Variants in CCDC122 observed in about 807,000 individuals in gnomAD.
The protein encoded by CCDC122 is coiled-coil domain containing 122.
Under a neutral mutation model 37.0 loss-of-function variants are expected in CCDC122, and 38 were observed. That is an observed-to-expected ratio of 1.03 (90% CI 0.79 to 1.35). CCDC122 has a LOEUF of 1.35. Ranked by LOEUF, CCDC122 falls within the 40% of genes most tolerant of loss-of-function variation. The pLI is 0.00. For missense variants in CCDC122, 305 were observed against 310.0 expected, an observed-to-expected ratio of 0.98 and a Z score of 0.12; for synonymous variants, 83 against 95.6, an observed-to-expected ratio of 0.87 and a Z score of 0.77.
chr13:43,847,945 T>C (rs1953598712), intron 6 of CCDC122, among the ~76,000 whole-genome samples: 1 of 152,158 alleles, frequency 6.6e-6, no homozygotes, highest in South Asian at 2.1e-4. Flanking sequence ...CAGCTAATTT[T>C]TGTATTTTTA....
chr13:43,879,081 C>T (rs899179586), intron 1 of CCDC122, among the ~76,000 whole-genome samples: 1 of 152,120 alleles, frequency 6.6e-6, no homozygotes, highest in Non-Finnish European at 1.5e-5. Flanking sequence ...GCGAGGCGTC[C>T]CTCAGAGACC....
chr13:43,857,289 C>T (rs2153874991), intron 6 of CCDC122, among the ~76,000 whole-genome samples: 1 of 152,074 alleles, frequency 6.6e-6, no homozygotes, highest in East Asian at 1.9e-4. Context: ...CTTGTTCTTT[C>T]TCTTGTGATG....
At chr13:43,819,324 A>T (rs1048342099), downstream of CCDC122, among the ~76,000 whole-genome samples, 1 of 152,214 alleles carries the variant, frequency 6.6e-6, no homozygotes, top group Non-Finnish European at 1.5e-5. Flanking sequence ...TCAGCAAGCA[A>T]TTCCACTTCT....
chr13:43,861,697 AT>A (rs1230806077), intron 4 of CCDC122, among the ~76,000 whole-genome samples: 1 of 152,232 alleles, frequency 6.6e-6, no homozygotes, highest in Admixed American at 6.5e-5. Flanking sequence ...AAAATACAAT[AT>A]GGCAATGAAC....
chr13:43,819,254 T>TA (rs747952739), downstream of CCDC122, among the ~76,000 whole-genome samples: 8 of 152,150 alleles, frequency 5.3e-5, no homozygotes, highest in Non-Finnish European at 1.0e-4. Context: ...AAATGGTAGG[T>TA]AAAACACCAG....
chr13:43,834,257 T>C (rs1953118242), downstream of CCDC122, among the ~76,000 whole-genome samples: 1 of 152,206 alleles, frequency 6.6e-6, no homozygotes, highest in African/African-American at 2.4e-5. Context: ...CCTAGCCATA[T>C]GTAGAAAGCT....
At chr13:43,826,373 G>C (rs1314390523) in intron 3 of CCDC122, among the ~76,000 whole-genome samples, 1 of 152,074 alleles carries the variant, frequency 6.6e-6, no homozygotes, top group Middle Eastern at 3.2e-3. Flanking sequence ...CTATCTCTTT[G>C]ATATATGGGA....
At position 43,837,250 on chromosome 13, in the gene CCDC122, G is replaced by T; in HGVS notation, c.*30C>A. On this transcript the variant is annotated 3_prime_UTR_variant, in exon 7 of 7. Coordinates refer to ENST00000444614, the MANE Select transcript of CCDC122 (RefSeq NM_144974.5). Reference sequence around the variant, plus strand: ...CTGTCCAGTAATTTTTGTTGTCATGGTCTGTGTTCCACATTGCCCTATGGC... The same window carrying T: ...CTGTCCAGTAATTTTTGTTGTCATGTTCTGTGTTCCACATTGCCCTATGGC... The T allele has an allele frequency of 1.3e-6, 2 of 1,592,064 alleles. No individual in the cohort carries two copies. The highest frequency in any genetic ancestry group is 1.8e-5 in the Admixed American group (1 of 55,666).
At chr13:43,862,963 T>C (rs1954159216) in intron 4 of CCDC122, among the ~76,000 whole-genome samples, 1 of 152,068 alleles carries the variant, frequency 6.6e-6, no homozygotes, top group African/African-American at 2.4e-5. Flanking sequence ...TCTGCCTCTT[T>C]TCCTCCCTCT....
chr13:43,832,552 T>G (rs2153868548), downstream of CCDC122, among the ~76,000 whole-genome samples: 2 of 152,318 alleles, frequency 1.3e-5, no homozygotes, highest in East Asian at 3.9e-4. Flanking sequence ...AATACTATAC[T>G]GACACTGACC....
At chr13:43,862,809 G>A (rs1318074656) in intron 4 of CCDC122, among the ~76,000 whole-genome samples, 1 of 152,014 alleles carries the variant, frequency 6.6e-6, no homozygotes, top group Non-Finnish European at 1.5e-5. Context: ...ATACAATTTG[G>A]TTATCATCTC....
downstream of CCDC122, among the ~76,000 whole-genome samples, chr13:43,832,129 C>CA (rs11323501): frequency 9.9e-4 from 116 of 116,988 alleles, 1 homozygote; most frequent in East Asian, 0.015. Context: ...ATTTATCAGC[C>CA]AAAAAAAAAA....
intron 6 of CCDC122, among the ~76,000 whole-genome samples, chr13:43,838,229 T>G (rs1566940356): frequency 1.3e-5 from 2 of 152,318 alleles, no homozygotes; most frequent in East Asian, 3.9e-4. Flanking sequence ...TTTATCAAAT[T>G]TAATTTGTCT....
Position 43,837,091 on chromosome 13 carries a change from G to A in CCDC122, c.*189C>T, listed in dbSNP as rs1953189109. On this transcript the variant is annotated 3_prime_UTR_variant, in exon 7 of 7. Transcript: ENST00000444614. The stretch of plus-strand genomic sequence containing the variant: ...CCTATTGTCTGTCTACTGCTATCAA[G>A]TGTAGGGTTAGAAGGCATTTTAACA... 1 of 569,022 alleles carries A rather than the reference G, an allele frequency of 1.8e-6. No individual in the cohort carries two copies. The highest frequency in any genetic ancestry group is 1.9e-5 in the African/African-American group (1 of 53,104). The allele number at this position is 569,022 out of a possible 1,614,324, so 35.2% of individuals were successfully genotyped here.
intron 3 of CCDC122, among the ~76,000 whole-genome samples, chr13:43,827,307 A>G (rs1953049275): frequency 6.6e-6 from 1 of 152,244 alleles, no homozygotes; most frequent in East Asian, 1.9e-4. Context: ...GATTTTGGAA[A>G]TAGTCCAGGA....
In CCDC122 at chr13:43,847,600, A is replaced by T. The variant is rs549905388; in HGVS notation, c.673-10171T>A. 1.1e-4 allele frequency among the ~76,000 whole-genome samples: 17 copies of T among 152,340 alleles called. 1 individual carries two copies. In the East Asian group the frequency reaches 3.1e-3, roughly 28 times the overall value. On this transcript the variant is annotated intron_variant, in intron 6 of 6. Coordinates refer to ENST00000444614, the MANE Select transcript of CCDC122 (RefSeq NM_144974.5). ...GAATTTAAATAGGATAGCCTATAAA[A>T]AGTGCCACAAAAATACCAGGCATTC... is the stretch of plus-strand genomic sequence containing the variant.
At position 43,869,318 on chromosome 13, in the gene CCDC122, A is replaced by C. The variant is rs1041102373; in HGVS notation, c.46+13T>G. On this transcript the variant is annotated intron_variant, in intron 3 of 6. Transcript: ENST00000444614. Reference sequence around the variant, plus strand: ...ATCTTTTAATTATTTATTTCTTAAGACTGTTTCATTACCTTCTTTAGGAAA... The same window carrying C: ...ATCTTTTAATTATTTATTTCTTAAGCCTGTTTCATTACCTTCTTTAGGAAA... 1 of 1,581,268 alleles carries C rather than the reference A, an allele frequency of 6.3e-7. No homozygotes were observed.
downstream of CCDC122, chr13:43,823,768 C>T (rs1452076248): frequency 6.6e-6 from 1 of 152,456 alleles, no homozygotes; most frequent in African/African-American, 2.4e-5. Context: ...GTTGTCCCTC[C>T]CTCAAGTGCA....
chr13:43,855,213 A>C (rs555931134), intron 6 of CCDC122: 1 of 152,320 alleles, frequency 6.6e-6, no homozygotes, highest in Admixed American at 6.5e-5. Flanking sequence ...ACATGATGCT[A>C]TATCTAGAAA....
Sources: allele counts gnomAD v4.1 joint callset (sites outside exome capture counted in the v4.1 genomes callset), GRCh38; gene constraint gnomAD v4.1.1; transcripts MANE v1.5; gene names NCBI Gene and HGNC (gene_info 2026-07-23, HGNC 2026-07-21).